The following WDR44 variants were observed in gnomAD, a reference collection of about 807,000 sequenced individuals.
The protein encoded by WDR44 is WD repeat domain 44, also known as WD repeat-containing protein 44.
A neutral mutation model predicts 65.7 loss-of-function variants in WDR44; 9 were observed. That is an observed-to-expected ratio of 0.14 (90% confidence interval 0.08 to 0.24). WDR44 has a LOEUF of 0.24. Among genes scored for constraint, WDR44 ranks in the 10% least tolerant of loss-of-function variants. The pLI is 1.00. For missense variants in WDR44, 425 were observed against 670.9 expected, an observed-to-expected ratio of 0.63 and a Z score of 4.05; for synonymous variants, 220 against 235.2, an observed-to-expected ratio of 0.94 and a Z score of 0.59.
chrX:118,440,996 T>C (rs1199879576), intron 14 of WDR44, among the ~76,000 whole-genome samples: 1 of 88,845 alleles, frequency 1.1e-5, no homozygotes, highest in Non-Finnish European at 2.1e-5. Context: ...AGTCTCACTC[T>C]GTTGCCAGGC....
intron 1 of WDR44, among the ~76,000 whole-genome samples, chrX:118,357,363 G>T (rs1013793481): frequency 8.9e-6 from 1 of 111,785 alleles, no homozygotes; most frequent in Non-Finnish European, 1.9e-5. Flanking sequence ...GATAATAACA[G>T]TAGGTTTTCT....
intron 12 of WDR44, among the ~76,000 whole-genome samples, chrX:118,421,675 G>A (rs1223557387): frequency 4.5e-5 from 5 of 111,305 alleles, no homozygotes; most frequent in African/African-American, 1.3e-4. Context: ...TTGTACAGTC[G>A]AACATACAGA....
chrX:118,386,908 A>G (rs906270736), intron 2 of WDR44, among the ~76,000 whole-genome samples: 17 of 111,208 alleles, frequency 1.5e-4, no homozygotes, highest in African/African-American at 5.6e-4. Context: ...TAGGCTGGGC[A>G]CAGTGGCTCA....
intron 2 of WDR44, among the ~76,000 whole-genome samples, chrX:118,383,655 T>C (rs1475185273): frequency 9.2e-6 from 1 of 109,100 alleles, no homozygotes; most frequent in African/African-American, 3.3e-5. Flanking sequence ...TTTTTCTTTT[T>C]TCCTGCGGAC....
At chrX:118,406,019 T>C (rs1007086256) in intron 9 of WDR44, among the ~76,000 whole-genome samples, 3 of 110,486 alleles carry the variant, frequency 2.7e-5, no homozygotes, top group Non-Finnish European at 5.7e-5. Flanking sequence ...CGTGTGCCTA[T>C]AGTCCCAGCT....
chrX:118,375,442 G>A (rs1444541962), intron 1 of WDR44, among the ~76,000 whole-genome samples: 6 of 107,283 alleles, frequency 5.6e-5, no homozygotes, highest in African/African-American at 2.0e-4. Flanking sequence ...AGCACTTTGG[G>A]AGGCTGAGGT....
intron 10 of WDR44, 82 bp from the exon 11 acceptor site, chrX:118,409,407 G>A: frequency 9.4e-7 from 1 of 1,068,630 alleles, no homozygotes; most frequent in African/African-American, 1.9e-5. Context: ...TGAGATTACA[G>A]ACGTGAGCCA....
intron 7 of WDR44, 47 bp from the exon 8 acceptor site, chrX:118,398,340 A>C (rs1291070980): frequency 1.9e-6 from 2 of 1,069,314 alleles, no homozygotes; most frequent in Non-Finnish European, 2.6e-6. Context: ...ATTTTTAAGA[A>C]GTATAGAAGA....
chrX:118,432,863 C>G lies in WDR44; in HGVS notation c.1820C>G (p.Thr607Ser), dbSNP rs2057224468. 1 of 1,209,498 alleles carries G rather than the reference C, an allele frequency of 8.3e-7. No individual in the cohort carries two copies. Among genetic ancestry groups the G allele is most frequent in the Non-Finnish European group, 1.1e-6 (1 of 893,323 alleles). ...QRPFCKYKGH[T>S]ADLLDLSWSK... ...CCATTTTGCAAATATAAAGGACATACTGCTGATCTCCTTGATCTTTCATGG... is the reference window on the plus strand; with the variant it reads ...CCATTTTGCAAATATAAAGGACATAGTGCTGATCTCCTTGATCTTTCATGG... The change falls in exon 13 of 20, where the codon ACT (threonine) becomes AGT (serine). Residue 607 changes from threonine (T) to serine (S), a missense_variant. Transcript: ENST00000254029.
In WDR44 at chrX:118,428,227, G is replaced by A. The variant is rs546039162; in HGVS notation, c.1738-4554G>A. The stretch of plus-strand genomic sequence containing the variant: ...CGCCTGAACCCAGGAGGCAGAGGTT[G>A]CAGTGAGCCAAGATTTCACCACTGC... On this transcript the variant is annotated intron_variant, in intron 12 of 19. Coordinates refer to ENST00000254029, the MANE Select transcript of WDR44 (RefSeq NM_019045.5). Among the ~76,000 whole-genome samples the A allele has an allele frequency of 4.7e-4, 52 of 109,814 alleles. 1 individual carries two copies. The South Asian group carries it at 0.019, about 41-fold the overall frequency.
chrX:118,369,096 A>G (rs1337523810), intron 1 of WDR44, among the ~76,000 whole-genome samples: 2 of 111,349 alleles, frequency 1.8e-5, no homozygotes, highest in African/African-American at 3.3e-5. Context: ...AAACTATTTT[A>G]TATTCAGACA....
Position 118,346,414 on chromosome X carries a change from C to A in WDR44, c.-90C>A. 1 of 825,080 alleles carries A rather than the reference C, an allele frequency of 1.2e-6. No individual in the cohort carries two copies. Among genetic ancestry groups the A allele is most frequent in the Non-Finnish European group, 1.8e-6 (1 of 550,706 alleles). 68.0% of individuals were successfully genotyped at this position (825,080 alleles called of 1,213,427 possible). Reference sequence around the variant, plus strand: ...CTCGCCCGAGACCCACTTCCCCAGTCTCGCCCGGGTGGAGGTCGACGAGGA... The same window carrying A: ...CTCGCCCGAGACCCACTTCCCCAGTATCGCCCGGGTGGAGGTCGACGAGGA... On this transcript the variant is annotated 5_prime_UTR_variant, in exon 1 of 20. Coordinates refer to ENST00000254029, the MANE Select transcript of WDR44 (RefSeq NM_019045.5).
chrX:118,375,193 T>C (rs1187856998), intron 1 of WDR44, among the ~76,000 whole-genome samples: 1 of 111,373 alleles, frequency 9.0e-6, no homozygotes, highest in Non-Finnish European at 1.9e-5. Flanking sequence ...TTTGTTTGTT[T>C]ATTTTGTTTT....
intron 1 of WDR44, among the ~76,000 whole-genome samples, chrX:118,358,222 T>C (rs1046628088): frequency 8.9e-6 from 1 of 112,368 alleles, no homozygotes; most frequent in Admixed American, 9.5e-5. Flanking sequence ...GGAAGTGTTA[T>C]CTTTCTTTTG....
chrX:118,405,336 A>G (rs1348749070), intron 9 of WDR44, among the ~76,000 whole-genome samples: 1 of 109,430 alleles, frequency 9.1e-6, no homozygotes, highest in Non-Finnish European at 1.9e-5. Flanking sequence ...ACGTCTGGCC[A>G]AGGCTATTTT....
chrX:118,425,194 CAT>C (rs1291956205), intron 12 of WDR44, among the ~76,000 whole-genome samples: 6 of 111,919 alleles, frequency 5.4e-5, no homozygotes, highest in African/African-American at 1.9e-4. Flanking sequence ...AAAAGGAAAA[CAT>C]AGAGATGTCG....
intron 19 of WDR44, among the ~76,000 whole-genome samples, chrX:118,446,733 A>G (rs2057349323): frequency 8.9e-6 from 1 of 112,534 alleles, no homozygotes; most frequent in African/African-American, 3.2e-5. Flanking sequence ...AAATAAACCA[A>G]GTTAGAATGA....
chrX:118,403,535 A>C (rs1303711108), intron 8 of WDR44, among the ~76,000 whole-genome samples: 1 of 111,789 alleles, frequency 8.9e-6, no homozygotes, highest in Non-Finnish European at 1.9e-5. Context: ...CTTTTTGACT[A>C]TTCTAAACAG....
chrX:118,363,326 G>C (rs185046027), intron 1 of WDR44, among the ~76,000 whole-genome samples: 1 of 104,693 alleles, frequency 9.6e-6, no homozygotes, highest in East Asian at 3.0e-4. Context: ...TGCTTGAACC[G>C]GGAGGTGGAG....
Sources: gnomAD v4.1 joint callset for allele counts (sites outside exome capture counted in the v4.1 genomes callset) on GRCh38, gnomAD v4.1.1 for gene constraint, MANE v1.5 for transcripts, NCBI Gene and HGNC (gene_info 2026-07-23, HGNC 2026-07-21) for gene names.